The following SYN3 variants were observed in gnomAD, a reference collection of about 807,000 sequenced individuals.
SYN3 encodes synapsin-3.
In SYN3, 35 loss-of-function variants were observed where a neutral mutation model predicts 65.8. The observed-to-expected ratio is 0.53, with a 90% CI of 0.41 to 0.70. The LOEUF (loss-of-function observed/expected upper bound fraction) is 0.70. Among genes scored for constraint, SYN3 ranks in the 30% least tolerant of loss-of-function variants. The pLI, the probability that SYN3 is intolerant of heterozygous loss-of-function variation, is 0.00. For missense variants in SYN3, 680 were observed against 749.0 expected (o/e 0.91, Z 1.08); for synonymous variants, 270 against 292.9 (o/e 0.92, Z 0.80).
chr22:32,869,255 G>A (rs1007184497), intron 4 of SYN3, 130 bp from the exon 5 acceptor site: 1 of 867,646 alleles, frequency 1.2e-6, no homozygotes, highest in South Asian at 1.7e-5. Flanking sequence ...GGGAGCAGGT[G>A]GGGGATGAGG....
intron 1 of SYN3, among the ~76,000 whole-genome samples, chr22:33,010,229 T>TC (rs1297075475): frequency 3.0e-5 from 4 of 135,112 alleles, no homozygotes; most frequent in African/African-American, 8.7e-5. Flanking sequence ...CAAAACTCTG[T>TC]CCCAAAAAAA....
At chr22:32,733,776 C>T (rs1489977488) in intron 6 of SYN3, among the ~76,000 whole-genome samples, 8 of 152,124 alleles carry the variant, frequency 5.3e-5, no homozygotes, top group Non-Finnish European at 1.2e-4. Context: ...CTCAGATGGG[C>T]CCAGCCAGGA....
chr22:32,910,197 T>C (rs2050016465), intron 4 of SYN3, among the ~76,000 whole-genome samples: 1 of 152,330 alleles, frequency 6.6e-6, no homozygotes, highest in South Asian at 2.1e-4. Context: ...CCCACGTGTT[T>C]TTAAACTCTT....
intron 6 of SYN3, among the ~76,000 whole-genome samples, chr22:32,778,655 G>A (rs1482894843): frequency 6.6e-6 from 1 of 152,026 alleles, no homozygotes; most frequent in Non-Finnish European, 1.5e-5. Flanking sequence ...ATTCCCATGG[G>A]AGCCAGTATC....
intron 6 of SYN3, among the ~76,000 whole-genome samples, chr22:32,725,276 T>A (rs763212038): frequency 1.3e-5 from 2 of 152,150 alleles, no homozygotes; most frequent in Non-Finnish European, 2.9e-5. Flanking sequence ...CCTGGTTTCC[T>A]GGGAGTGGGG....
intron 6 of SYN3, among the ~76,000 whole-genome samples, chr22:32,771,807 G>A (rs1449802770): frequency 6.6e-6 from 1 of 152,160 alleles, no homozygotes; most frequent in African/African-American, 2.4e-5. Flanking sequence ...AAAGCAAATG[G>A]TCATTCATGA....
intron 6 of SYN3, among the ~76,000 whole-genome samples, chr22:32,750,342 G>A (rs754922825): frequency 6.6e-6 from 1 of 152,218 alleles, no homozygotes; most frequent in Non-Finnish European, 1.5e-5. Flanking sequence ...TCTGGGAGAA[G>A]ATTGTTTCAG....
At chr22:32,568,832 G>C (rs781733283) in intron 7 of SYN3, among the ~76,000 whole-genome samples, 3 of 152,172 alleles carry the variant, frequency 2.0e-5, no homozygotes, top group Admixed American at 6.5e-5. Flanking sequence ...CAAAGACTTT[G>C]AAAGACACAA....
intron 6 of SYN3, among the ~76,000 whole-genome samples, chr22:32,845,147 C>T (rs1025742865): frequency 1.3e-5 from 2 of 151,518 alleles, no homozygotes; most frequent in African/African-American, 4.8e-5. Flanking sequence ...TGAGCCTCAC[C>T]TCTCCCTTCT....
chr22:32,539,791 G>A (rs111911584), intron 8 of SYN3, among the ~76,000 whole-genome samples: 43 of 147,410 alleles, frequency 2.9e-4, no homozygotes, highest in Non-Finnish European at 2.5e-4. Flanking sequence ...TAATCCTCAA[G>A]AAAAAAAAAA....
At chr22:32,931,321 A>AG in intron 4 of SYN3, 69 bp downstream of exon 4, 1 of 1,017,662 alleles carries the variant, frequency 9.8e-7, no homozygotes, top group Non-Finnish European at 1.6e-6. Context: ...AAGTGGACGG[A>AG]GGGGTGGGCT....
intron 2 of SYN3, among the ~76,000 whole-genome samples, chr22:32,981,965 GA>G (rs1175751295): frequency 1.3e-5 from 2 of 152,056 alleles, no homozygotes; most frequent in Non-Finnish European, 2.9e-5. Flanking sequence ...GAAATATGTT[GA>G]ATGTATAAAA....
chr22:32,612,361 C>T (rs983385712), intron 6 of SYN3, among the ~76,000 whole-genome samples: 1 of 152,154 alleles, frequency 6.6e-6, no homozygotes, highest in Non-Finnish European at 1.5e-5. Flanking sequence ...GGACTGAGCC[C>T]TTAACCGGTA....
chr22:32,949,385 C>T (rs370431878), intron 3 of SYN3, among the ~76,000 whole-genome samples: 10 of 151,522 alleles, frequency 6.6e-5, no homozygotes, highest in South Asian at 2.1e-4. Context: ...CACTGCACTC[C>T]GGCCTGGGAG....
At chr22:32,694,403 A>C (rs1220936339) in intron 6 of SYN3, among the ~76,000 whole-genome samples, 1 of 152,242 alleles carries the variant, frequency 6.6e-6, no homozygotes. Context: ...TTTGGTATTT[A>C]AATGGATACA....
At chr22:32,807,105 GC>G (rs1301811221) in intron 6 of SYN3, among the ~76,000 whole-genome samples, 1 of 150,356 alleles carries the variant, frequency 6.7e-6, no homozygotes. Flanking sequence ...TCTCCTGACT[GC>G]CCCCCTGGCT....
At chr22:32,886,886 G>C (rs1180481566) in intron 4 of SYN3, among the ~76,000 whole-genome samples, 1 of 152,216 alleles carries the variant, frequency 6.6e-6, no homozygotes, top group South Asian at 2.1e-4. Context: ...AAGGCAGCCC[G>C]CAGGACCCTG....
chr22:32,521,589 G>A (rs1201879319), intron 12 of SYN3, among the ~76,000 whole-genome samples: 1 of 151,886 alleles, frequency 6.6e-6, no homozygotes, highest in Non-Finnish European at 1.5e-5. Context: ...TGGGATTACA[G>A]GCGTCCGCCA....
intron 6 of SYN3, among the ~76,000 whole-genome samples, chr22:32,710,074 TGCAC>T: frequency 1.2e-5 from 1 of 84,574 alleles, no homozygotes; most frequent in Non-Finnish European, 2.3e-5. Flanking sequence ...TATATATATA[TGCAC>T]ACACACACAC....
Sources: allele counts gnomAD v4.1 joint callset (sites outside exome capture counted in the v4.1 genomes callset), GRCh38; gene constraint gnomAD v4.1.1; transcripts MANE v1.5; gene names NCBI Gene and HGNC (gene_info 2026-07-23, HGNC 2026-07-21).